The following PRUNE2 variants were observed in gnomAD, a reference collection of about 807,000 sequenced individuals.
The protein encoded by PRUNE2 is protein prune homolog 2.
Under a neutral mutation model 252.0 loss-of-function variants are expected in PRUNE2, and 164 were observed. The observed-to-expected ratio is 0.65, with a 90% CI of 0.57 to 0.74. The LOEUF (loss-of-function observed/expected upper bound fraction) is 0.74, where lower values mean the gene tolerates loss of function less well. PRUNE2 is among the 30% of genes least tolerant of loss of function. The probability of loss-of-function intolerance (pLI) is 0.00; values close to 1 mark genes in which losing one functional copy is unlikely to be tolerated. For synonymous variants in PRUNE2, 1,292 were observed against 1,350.2 expected, an observed-to-expected ratio of 0.96 and a Z score of 0.94; for missense variants, 3,495 against 3,711.0, an observed-to-expected ratio of 0.94 and a Z score of 1.51.
intron 6 of PRUNE2, among the ~76,000 whole-genome samples, chr9:76,812,348 A>C (rs897463095): frequency 6.6e-6 from 1 of 152,246 alleles, no homozygotes; most frequent in Non-Finnish European, 1.5e-5. Context: ...CTGTTATCTT[A>C]GCTGCAGGGT....
chr9:76,704,515 G>C (rs749475518), intron 8 of PRUNE2, among the ~76,000 whole-genome samples: 1 of 152,132 alleles, frequency 6.6e-6, no homozygotes, highest in Non-Finnish European at 1.5e-5. Flanking sequence ...GTGAGCCACC[G>C]CGCCCAGCTA....
At chr9:76,720,796 C>A (rs2047571172) in intron 6 of PRUNE2, among the ~76,000 whole-genome samples, 1 of 151,986 alleles carries the variant, frequency 6.6e-6, no homozygotes, top group Admixed American at 6.6e-5. Flanking sequence ...ATGTAAAATT[C>A]TTAGATGTGA....
chr9:76,872,752 T>G (rs1035758623), intron 1 of PRUNE2, among the ~76,000 whole-genome samples: 5 of 151,890 alleles, frequency 3.3e-5, no homozygotes, highest in Non-Finnish European at 7.4e-5. Context: ...GAAACAAAAG[T>G]GTGTATGTGT....
At chr9:76,784,308 C>G (rs2054747077) in intron 6 of PRUNE2, 1 of 152,154 alleles carries the variant, frequency 6.6e-6, no homozygotes, top group South Asian at 2.1e-4. Flanking sequence ...ACAAAGTGAG[C>G]ATTACCAATG....
intron 4 of PRUNE2, among the ~76,000 whole-genome samples, chr9:76,835,286 G>A (rs773029101): frequency 6.6e-6 from 1 of 151,984 alleles, no homozygotes; most frequent in Non-Finnish European, 1.5e-5. Flanking sequence ...CAGAAAAGAA[G>A]GGTCTTAAAT....
At chr9:76,868,846 G>GC (rs2061005855) in intron 1 of PRUNE2, 1 of 125,764 alleles carries the variant, frequency 8.0e-6, no homozygotes, top group Admixed American at 8.1e-5. Context: ...GTGGGGGGGG[G>GC]GGCGGGGGGG....
In PRUNE2 at chr9:76,709,094, T is replaced by G. The variant is rs753678324; in HGVS notation, c.3180A>C (p.Thr1060=). Residue 1060 remains threonine, a synonymous_variant, in exon 8 of 19, where the codon ACA becomes ACC. Transcript: ENST00000376718. ...CCTCCATGGAGATATTCTTACCATC[T>G]GTGTGCTCTGTCTTGAGTTCATTTT... is the stretch of plus-strand genomic sequence containing the variant. ...LDENELKTEH[T]DGKNISMEDD... 3 of 1,614,032 alleles carry G rather than the reference T, an allele frequency of 1.9e-6. No homozygotes were observed. Among genetic ancestry groups the G allele is most frequent in the Non-Finnish European group, 2.5e-6 (3 of 1,179,886 alleles).
At chr9:76,776,076 A>C (rs571075692) in intron 6 of PRUNE2, among the ~76,000 whole-genome samples, 10 of 152,370 alleles carry the variant, frequency 6.6e-5, no homozygotes, top group African/African-American at 2.4e-4. Flanking sequence ...TCACGTGCAC[A>C]GAGTAATCAA....
intron 6 of PRUNE2, among the ~76,000 whole-genome samples, chr9:76,772,820 T>C (rs2053266034): frequency 6.6e-6 from 1 of 152,164 alleles, no homozygotes; most frequent in Non-Finnish European, 1.5e-5. Flanking sequence ...CATCTTGGCC[T>C]CCCACAGTGC....
At chr9:76,737,399 T>A (rs2049171924) in intron 6 of PRUNE2, 1 of 152,218 alleles carries the variant, frequency 6.6e-6, no homozygotes, top group Admixed American at 6.5e-5. Context: ...TAGACACCGC[T>A]GCAGGGCAGC....
chr9:76,838,964 CATTT>C (rs2059228101), intron 4 of PRUNE2, among the ~76,000 whole-genome samples: 1 of 152,108 alleles, frequency 6.6e-6, no homozygotes, highest in Non-Finnish European at 1.5e-5. Flanking sequence ...GGCTAAAATA[CATTT>C]ATTTATTTAC....
intron 7 of PRUNE2, 27 bp downstream of exon 7, chr9:76,713,536 C>A: frequency 6.3e-7 from 1 of 1,589,868 alleles, no homozygotes. Flanking sequence ...ACAGAGGGAA[C>A]ATGACGGGGT....
chr9:76,843,436 T>C (rs537383674), intron 4 of PRUNE2, among the ~76,000 whole-genome samples: 28 of 152,252 alleles, frequency 1.8e-4, no homozygotes, highest in African/African-American at 6.3e-4. Flanking sequence ...CAAACCTGCA[T>C]GTTCTGCACA....
At position 76,854,201 on chromosome 9, in the gene PRUNE2, C is replaced by T. The variant is rs778640260; in HGVS notation, c.44G>A (p.Ser15Asn). ...CACATGGACCTTCTCCAAGCGTTTG[C>T]TTCGATTCTGAAACAAATTCAAAGG... ...LQRAKSKLNR[S>N]KRLEKVHVVI... The change falls in exon 2 of 19, where the codon AGC becomes AAC. Residue 15 changes from serine (S) to asparagine (N), a missense_variant. Ser to Asn is a conservative substitution (Grantham distance 46). Transcript: ENST00000376718. 8 of 1,579,580 alleles carry T rather than the reference C, an allele frequency of 5.1e-6. No individual in the cohort carries two copies. The Admixed American group carries it at 5.1e-5, about 10-fold the overall frequency.
At position 76,823,544 on chromosome 9, in the gene PRUNE2, C is replaced by T. The variant is rs1056639986; in HGVS notation, c.756+88G>A. On this transcript the variant is annotated intron_variant, in intron 6 of 18. Coordinates refer to ENST00000376718, the MANE Select transcript of PRUNE2 (RefSeq NM_015225.3). Reference sequence around the variant, plus strand: ...CAAAGAAGCAAAGGACTATCATGGACTTATCCAATGGAGAGAGTTACATTC... The same window carrying T: ...CAAAGAAGCAAAGGACTATCATGGATTTATCCAATGGAGAGAGTTACATTC... 1.2e-5 allele frequency: 10 copies of T among 809,722 alleles called. No individual in the cohort carries two copies. The African/African-American group carries it at 1.7e-4, about 14-fold the overall frequency. 50.2% of individuals were successfully genotyped at this position (809,722 alleles called of 1,614,324 possible). A position where few individuals can be genotyped will look rare whatever the true frequency, so the allele number is the denominator to read the frequency against.
chr9:76,831,341 TATCTC>T (rs1227577625), intron 4 of PRUNE2, among the ~76,000 whole-genome samples: 5 of 152,082 alleles, frequency 3.3e-5, no homozygotes, highest in African/African-American at 4.8e-5. Flanking sequence ...AGAAAAAAAT[TATCTC>T]ATAAGGAAGC....
intron 4 of PRUNE2, among the ~76,000 whole-genome samples, chr9:76,842,809 TA>T (rs2059463174): frequency 6.6e-6 from 1 of 152,116 alleles, no homozygotes; most frequent in Non-Finnish European, 1.5e-5. Flanking sequence ...TGGCAATCAT[TA>T]AAAAGCCAGG....
At chr9:76,649,838 T>C (rs978035552) in intron 11 of PRUNE2, among the ~76,000 whole-genome samples, 14 of 152,178 alleles carry the variant, frequency 9.2e-5, no homozygotes, top group African/African-American at 2.9e-4. Flanking sequence ...CAAAATTGCA[T>C]TGTGAGCAAA....
intron 6 of PRUNE2, among the ~76,000 whole-genome samples, chr9:76,771,214 G>A (rs2053067653): frequency 6.6e-6 from 1 of 152,182 alleles, no homozygotes; most frequent in South Asian, 2.1e-4. Context: ...TTTGATAACT[G>A]GTGATCAAAT....
Sources: gnomAD v4.1 joint callset for allele counts (sites outside exome capture counted in the v4.1 genomes callset) on GRCh38, gnomAD v4.1.1 for gene constraint, MANE v1.5 for transcripts, NCBI Gene and HGNC (gene_info 2026-07-23, HGNC 2026-07-21) for gene names.